Variants in DOCK4 observed in about 807,000 individuals in gnomAD.
The protein encoded by DOCK4 is dedicator of cytokinesis protein 4.
Under a neutral mutation model 268.1 loss-of-function variants are expected in DOCK4, and 97 were observed. That is an observed-to-expected ratio of 0.36 (90% CI 0.31 to 0.43). DOCK4 has a LOEUF of 0.43. Ranked by LOEUF, DOCK4 falls within the 20% of genes least tolerant of loss-of-function variation. The probability of loss-of-function intolerance (pLI) is 1.00; values close to 1 mark genes in which losing one functional copy is unlikely to be tolerated. For missense variants in DOCK4, 2,145 were observed against 2,455.7 expected (o/e 0.87, Z 2.67); for synonymous variants, 954 against 887.2 (o/e 1.08, Z -1.34).
At chr7:111,919,299 G>T (rs1792898994) in intron 12 of DOCK4, among the ~76,000 whole-genome samples, 3 of 152,098 alleles carry the variant, frequency 2.0e-5, no homozygotes, top group Admixed American at 6.6e-5. Context: ...GATGGAGGGG[G>T]AGTAATAATA....
At chr7:111,844,515 C>T (rs78675196) in intron 25 of DOCK4, among the ~76,000 whole-genome samples, 30 of 152,238 alleles carry the variant, frequency 2.0e-4, no homozygotes, top group Admixed American at 8.5e-4. Flanking sequence ...TAATTTAAAC[C>T]GGGCATGGTA....
chr7:111,922,203 G>A (rs573754244), intron 12 of DOCK4, among the ~76,000 whole-genome samples: 1 of 152,272 alleles, frequency 6.6e-6, no homozygotes, highest in African/African-American at 2.4e-5. Flanking sequence ...TTAGTCAGGA[G>A]GAGAGGTTAT....
chr7:111,761,082 A>G (rs1585903079), intron 39 of DOCK4, among the ~76,000 whole-genome samples: 1 of 146,172 alleles, frequency 6.8e-6, no homozygotes, highest in African/African-American at 2.5e-5. Context: ...TTTTTTTAAG[A>G]TGGAGTCTCA....
Position 112,009,364 on chromosome 7 carries a change from A to G in DOCK4, c.38-5233T>C, listed in dbSNP as rs1801111198. Among the ~76,000 whole-genome samples, 4 of 152,146 alleles carry G rather than the reference A, an allele frequency of 2.6e-5. No homozygotes were observed. In the South Asian group the frequency reaches 8.3e-4, roughly 32 times the overall value. ...CTTACAACACAGAACACACAAAGCT[A>G]CTCTTCTCAAGTTCTGAGGCTAGCC... is the stretch of plus-strand genomic sequence containing the variant. On this transcript the variant is annotated intron_variant, in intron 1 of 52. Coordinates refer to ENST00000428084, the MANE Select transcript of DOCK4 (RefSeq NM_001363540.2).
intron 1 of DOCK4, among the ~76,000 whole-genome samples, chr7:112,050,775 T>C (rs1456659376): frequency 6.6e-6 from 1 of 152,170 alleles, no homozygotes; most frequent in Non-Finnish European, 1.5e-5. Flanking sequence ...CAATCCCGAT[T>C]TTTTTACTGA....
At chr7:111,755,789 G>C (rs991292840) in intron 41 of DOCK4, among the ~76,000 whole-genome samples, 188 bp from the exon 42 acceptor site, 2 of 152,154 alleles carry the variant, frequency 1.3e-5, no homozygotes, top group Admixed American at 6.5e-5. Context: ...CAATTCCACT[G>C]TATGTCATCA....
intron 8 of DOCK4, among the ~76,000 whole-genome samples, chr7:111,970,944 T>C (rs746055797): frequency 1.3e-4 from 20 of 152,186 alleles, no homozygotes; most frequent in Non-Finnish European, 2.8e-4. Context: ...GAAACAAAAG[T>C]AATGGGCTTT....
At chr7:112,192,990 G>A in intron 1 of DOCK4, among the ~76,000 whole-genome samples, 1 of 152,074 alleles carries the variant, frequency 6.6e-6, no homozygotes, top group East Asian at 1.9e-4. Flanking sequence ...TCTCTTCAGG[G>A]ACCTGATATT....
chr7:111,973,927 A>G (rs1797932295), intron 8 of DOCK4, among the ~76,000 whole-genome samples: 2 of 152,244 alleles, frequency 1.3e-5, no homozygotes, highest in African/African-American at 4.8e-5. Context: ...ATAAGAAGAA[A>G]TATAACAATG....
chr7:111,983,125 T>C (rs1441083337), intron 7 of DOCK4, among the ~76,000 whole-genome samples: 2 of 152,134 alleles, frequency 1.3e-5, no homozygotes, highest in Non-Finnish European at 2.9e-5. Flanking sequence ...CCCTAAAAAA[T>C]GGAATTGATT....
Position 111,726,496 on chromosome 7 carries a change from G to A in DOCK4, c.*1778C>T, listed in dbSNP as rs1794659940. On this transcript the variant is annotated 3_prime_UTR_variant, in exon 53 of 53. Transcript: ENST00000428084. ...ATATGAATGTGGTTACAAACACGAA[G>A]TGTTATCAAAAGCAAAAGCTAGTTC... 1 of 152,338 alleles carries A rather than the reference G, an allele frequency of 6.6e-6. No individual in the cohort carries two copies. The highest frequency in any genetic ancestry group is 1.5e-5 in the Non-Finnish European group (1 of 68,026). The allele number at this position is 152,338 out of a possible 1,614,324, so 9.4% of individuals were successfully genotyped here.
intron 1 of DOCK4, among the ~76,000 whole-genome samples, chr7:112,192,262 T>TA (rs1820024085): frequency 7.0e-6 from 1 of 143,202 alleles, no homozygotes; most frequent in Non-Finnish European, 1.5e-5. Context: ...GTGACAGGAA[T>TA]AAGAGGGGAC....
chr7:111,979,784 T>A (rs6971292), intron 7 of DOCK4, among the ~76,000 whole-genome samples: 15,227 of 152,146 alleles, frequency 0.1, 1,069 homozygotes, highest in East Asian at 0.33. Context: ...GCACCAATCA[T>A]GACATTCACA....
chr7:112,072,248 A>T (rs1807661078), intron 1 of DOCK4, among the ~76,000 whole-genome samples: 1 of 152,090 alleles, frequency 6.6e-6, no homozygotes, highest in African/African-American at 2.4e-5. Context: ...AAATCTATCT[A>T]TAACCAGAGT....
chr7:111,734,651 A>T (rs1234837293), intron 51 of DOCK4, among the ~76,000 whole-genome samples: 2 of 152,202 alleles, frequency 1.3e-5, no homozygotes, highest in African/African-American at 4.8e-5. Flanking sequence ...GTCAATGGCT[A>T]TTTAGAGGCA....
chr7:112,106,193 G>A (rs909091354), intron 1 of DOCK4, among the ~76,000 whole-genome samples: 2 of 152,194 alleles, frequency 1.3e-5, no homozygotes, highest in Non-Finnish European at 2.9e-5. Context: ...CCTTTAGGCA[G>A]ACACTAAATT....
At chr7:111,835,951 T>A (rs1432103721) in intron 25 of DOCK4, among the ~76,000 whole-genome samples, 1 of 152,182 alleles carries the variant, frequency 6.6e-6, no homozygotes, top group African/African-American at 2.4e-5. Flanking sequence ...ATACATTTTT[T>A]AGGGTAAATA....
chr7:111,859,594 G>C (rs1805318329), intron 23 of DOCK4, among the ~76,000 whole-genome samples: 2 of 128,452 alleles, frequency 1.6e-5, no homozygotes, highest in Admixed American at 1.7e-4. Context: ...TTGAGGCGGA[G>C]TCTCGCTCTG....
chr7:111,934,932 T>G (rs1052990020), intron 12 of DOCK4, among the ~76,000 whole-genome samples: 1 of 151,986 alleles, frequency 6.6e-6, no homozygotes, highest in Non-Finnish European at 1.5e-5. Context: ...ATATTTGTCA[T>G]GTGATTTTTA....
Sources: gnomAD v4.1 joint callset for allele counts (sites outside exome capture counted in the v4.1 genomes callset) on GRCh38, gnomAD v4.1.1 for gene constraint, MANE v1.5 for transcripts, NCBI Gene and HGNC (gene_info 2026-07-23, HGNC 2026-07-21) for gene names.